The following CASS4 variants were observed in gnomAD, a reference collection of about 807,000 sequenced individuals.
CASS4 encodes Cas scaffold protein family member 4.
In CASS4, 22 loss-of-function variants were observed where a neutral mutation model predicts 54.2. The observed-to-expected ratio is 0.41, with a 90% CI of 0.29 to 0.58. The LOEUF (loss-of-function observed/expected upper bound fraction) is 0.58, where lower values mean the gene tolerates loss of function less well. CASS4 is among the 20% of genes least tolerant of loss of function. The pLI, the probability that CASS4 is intolerant of heterozygous loss-of-function variation, is 0.36. For synonymous variants in CASS4, 409 were observed against 391.5 expected, an observed-to-expected ratio of 1.04 and a Z score of -0.53; for missense variants, 854 against 986.7, an observed-to-expected ratio of 0.87 and a Z score of 1.80.
At chr20:56,422,641 T>C (rs183989594) in intron 1 of CASS4, among the ~76,000 whole-genome samples, 1 of 152,310 alleles carries the variant, frequency 6.6e-6, no homozygotes, top group Non-Finnish European at 1.5e-5. Flanking sequence ...GCCCCGTTAG[T>C]AGGCAGTGCC....
intron 2 of CASS4, among the ~76,000 whole-genome samples, chr20:56,440,632 G>T (rs1163201687): frequency 6.6e-6 from 1 of 152,184 alleles, no homozygotes; most frequent in Non-Finnish European, 1.5e-5. Context: ...TCAAAAACAT[G>T]GAGTCCACTA....
chr20:56,433,338 C>T (rs75720326), intron 1 of CASS4, among the ~76,000 whole-genome samples: 61 of 152,262 alleles, frequency 4.0e-4, no homozygotes, highest in Non-Finnish European at 7.5e-4. Context: ...GTAGAGAGAA[C>T]AGCATGATGG....
chr20:56,426,676 C>T (rs1030253108), intron 1 of CASS4, among the ~76,000 whole-genome samples: 2 of 152,082 alleles, frequency 1.3e-5, no homozygotes, highest in African/African-American at 4.8e-5. Context: ...AGCCCATGTT[C>T]AAGCCATCCT....
chr20:56,414,803 T>A lies in CASS4; in HGVS notation c.36+2309T>A, dbSNP rs1474072110. Among the ~76,000 whole-genome samples, 1 of 152,068 alleles carries A rather than the reference T, an allele frequency of 6.6e-6. No homozygotes were observed. Among genetic ancestry groups the A allele is most frequent in the Non-Finnish European group, 1.5e-5 (1 of 68,006 alleles). On this transcript the variant is annotated intron_variant, in intron 1 of 5. Transcript: ENST00000679887. The surrounding 1 kb of genome is among the most constrained non-coding windows in gnomAD (Gnocchi z 4.1). ...CTAGTAAAAATACAAAAAAATTAGC[T>A]GGGCATAGTGGTGCACGTCTGTATT...
At chr20:56,435,435 T>C (rs1980108138) in intron 1 of CASS4, among the ~76,000 whole-genome samples, 1 of 152,226 alleles carries the variant, frequency 6.6e-6, no homozygotes, top group African/African-American at 2.4e-5. Context: ...GGTGGGATTA[T>C]GGGTAATTTT....
At chr20:56,447,818 C>T (rs1167087614) in intron 3 of CASS4, among the ~76,000 whole-genome samples, 1 of 152,152 alleles carries the variant, frequency 6.6e-6, no homozygotes, top group East Asian at 2.0e-4. Flanking sequence ...ATGATAGACT[C>T]CAGGAGCACA....
At chr20:56,441,636 C>A (rs144188603) in intron 2 of CASS4, among the ~76,000 whole-genome samples, 1 of 152,102 alleles carries the variant, frequency 6.6e-6, no homozygotes, top group East Asian at 2.0e-4. Context: ...TAATTTCTTG[C>A]CTTCTCTGTG....
rs1600759591 is a variant in CASS4 at position 56,437,039 on chromosome 20, G to A, written c.37-125G>A. On this transcript the variant is annotated intron_variant, in intron 1 of 5. Coordinates refer to ENST00000679887, the MANE Select transcript of CASS4 (RefSeq NM_020356.4). The surrounding 1 kb of genome is among the most constrained non-coding windows in gnomAD (Gnocchi z 4.7). ...AAGAGCAGGGACAAGAGCCTCTGGGGTGGAAGAAATGAAATGAAAGGGCAT... is the reference window on the plus strand; with the variant it reads ...AAGAGCAGGGACAAGAGCCTCTGGGATGGAAGAAATGAAATGAAAGGGCAT... 1.1e-6 allele frequency: 1 copy of A among 870,616 alleles called. No homozygotes were observed. Among genetic ancestry groups the A allele is most frequent in the East Asian group, 2.6e-5 (1 of 38,294 alleles). 53.9% of individuals were successfully genotyped at this position (870,616 alleles called of 1,614,324 possible).
chr20:56,416,960 T>C (rs937861497), intron 1 of CASS4, among the ~76,000 whole-genome samples: 4 of 152,382 alleles, frequency 2.6e-5, no homozygotes, highest in East Asian at 1.9e-4. Flanking sequence ...AAATCTTTTT[T>C]GTCTCTCTCC....
chr20:56,453,808 G>A (rs944611432), intron 5 of CASS4: 1 of 152,194 alleles, frequency 6.6e-6, no homozygotes, highest in African/African-American at 2.4e-5. Context: ...CAGGAGTTTG[G>A]GGTTGCAGAG....
rs544258185 is a variant in CASS4 at position 56,437,717 on chromosome 20, C to T, written c.459+131C>T. The T allele has an allele frequency of 3.2e-5, 27 of 830,904 alleles. No homozygotes were observed. Among genetic ancestry groups the T allele is most frequent in the African/African-American group, 1.9e-4 (11 of 57,624 alleles). 51.5% of individuals were successfully genotyped at this position (830,904 alleles called of 1,614,324 possible). A position where few individuals can be genotyped will look rare whatever the true frequency, so the allele number is the denominator to read the frequency against. ...CGGGAGCCCAGATTGCTGGCAATCA[C>T]GCTCGGGGAGCTTGTGTGCCAGGTT... On this transcript the variant is annotated intron_variant, in intron 2 of 5. Transcript: ENST00000679887. The surrounding 1 kb of genome is among the most constrained non-coding windows in gnomAD (Gnocchi z 4.7).
Position 56,437,564 on chromosome 20 carries a change from A to G in CASS4, c.437A>G (p.Lys146Arg). 1 of 1,546,186 alleles carries G rather than the reference A, an allele frequency of 6.5e-7. No individual in the cohort carries two copies. The change falls in exon 2 of 6, where the codon AAG becomes AGG. Residue 146 changes from lysine to arginine, a missense_variant. Coordinates refer to ENST00000679887, the MANE Select transcript of CASS4 (RefSeq NM_020356.4). This position sits in a 1 kb window ranked among gnomAD's most constrained non-coding sequence, Gnocchi z 4.7. ...ACCAGTGCCAGAATCATCTGTGAAA[A>G]GACTCTCAGCTTTCCAAAACAGGTA... ...PPTSARIICE[K>R]TLSFPKQAIL...
At chr20:56,441,440 A>G (rs1007085202) in intron 2 of CASS4, among the ~76,000 whole-genome samples, 1 of 151,822 alleles carries the variant, frequency 6.6e-6, no homozygotes, top group African/African-American at 2.4e-5. Flanking sequence ...CCCTGTCTCT[A>G]CTAAAAACAC....
intron 2 of CASS4, among the ~76,000 whole-genome samples, chr20:56,444,868 T>C (rs1451396783): frequency 6.6e-6 from 1 of 152,186 alleles, no homozygotes. Context: ...CCCAGCACTT[T>C]GGGAGGCCAA....
rs377289897 is a variant in CASS4, at chr20:56,452,233, C to G, written c.1057C>G (p.Pro353Ala). The change falls in exon 5 of 6, where the codon CCT (proline) becomes GCT (alanine). Residue 353 changes from proline (P) to alanine (A), a missense_variant. Transcript: ENST00000679887. The part of the protein sequence containing the change: ...QNTKPNIYDI[P>A]KATSSVSQAG... ...CACCAAGCCCAATATTTATGACATCCCTAAAGCAACGTCGAGTGTTTCTCA... is the reference window on the plus strand; with the variant it reads ...CACCAAGCCCAATATTTATGACATCGCTAAAGCAACGTCGAGTGTTTCTCA... 5 of 1,613,966 alleles carry G rather than the reference C, an allele frequency of 3.1e-6. No individual in the cohort carries two copies. In the African/African-American group the frequency reaches 6.7e-5, roughly 22 times the overall value.
rs1568683560 is a variant in CASS4, at chr20:56,455,132, T to TAA, written c.1953+2003_1953+2004insAA. Among the ~76,000 whole-genome samples, 10 of 94,284 alleles carry TAA rather than the reference T, an allele frequency of 1.1e-4. No homozygotes were observed. In the South Asian group the frequency reaches 1.1e-3, roughly 11 times the overall value. The allele number at this position is 94,284 out of a possible 152,430, so 61.9% of individuals were successfully genotyped here. A position where few individuals can be genotyped will look rare whatever the true frequency, so the allele number is the denominator to read the frequency against. On this transcript the variant is annotated intron_variant, in intron 5 of 5. Coordinates refer to ENST00000679887, the MANE Select transcript of CASS4 (RefSeq NM_020356.4). ...TTTTACACTTGATGTTCTTCCTTTT[T>TAA]TAAAAAAAAAAAAGTCAAAGATGTT... is the stretch of plus-strand genomic sequence containing the variant.
Position 56,412,456 on chromosome 20 carries a change from G to T in CASS4, c.-3G>T. 6.2e-7 allele frequency: 1 copy of T among 1,612,346 alleles called. No individual in the cohort carries two copies. The highest frequency in any genetic ancestry group is 1.1e-5 in the South Asian group (1 of 90,544). On this transcript the variant is annotated 5_prime_UTR_variant, in exon 1 of 6. Coordinates refer to ENST00000679887, the MANE Select transcript of CASS4 (RefSeq NM_020356.4). The surrounding 1 kb of genome is among the most constrained non-coding windows in gnomAD (Gnocchi z 4.2). ...CTCAGGGGAGCTGCTCCACATCACC[G>T]ACATGAAGGGAACAGGCATCATGGA...
Position 56,412,555 on chromosome 20 carries a change from G to A in CASS4, c.36+61G>A, listed in dbSNP as rs1054502523. 2.6e-6 allele frequency: 4 copies of A among 1,545,392 alleles called. No individual in the cohort carries two copies. The South Asian group carries it at 3.5e-5, about 13-fold the overall frequency. On this transcript the variant is annotated intron_variant, in intron 1 of 5. Coordinates refer to ENST00000679887, the MANE Select transcript of CASS4 (RefSeq NM_020356.4). The surrounding 1 kb of genome is among the most constrained non-coding windows in gnomAD (Gnocchi z 4.2). ...GGGGAGCAAGCTGTGATGATTAAGG[G>A]TGTTGACCAGCTTTAGTTGTGACTT...
rs1979841844 is a variant in CASS4, at chr20:56,430,264, T to C, written c.37-6900T>C. 6.6e-6 allele frequency among the ~76,000 whole-genome samples: 1 copy of C among 152,170 alleles called. No homozygotes were observed. Among genetic ancestry groups the C allele is most frequent in the Non-Finnish European group, 1.5e-5 (1 of 68,028 alleles). On this transcript the variant is annotated intron_variant, in intron 1 of 5. Coordinates refer to ENST00000679887, the MANE Select transcript of CASS4 (RefSeq NM_020356.4). This position sits in a 1 kb window ranked among gnomAD's most constrained non-coding sequence, Gnocchi z 4.2. ...GGCAGTGAGTCTCTTATTCTTCACG[T>C]TTGTTTCCCTATCCTCCTCCTGTTC... is the stretch of plus-strand genomic sequence containing the variant.
Sources: gnomAD v4.1 joint callset for allele counts (sites outside exome capture counted in the v4.1 genomes callset) on GRCh38, gnomAD v4.1.1 for gene constraint, Gnocchi (gnomAD v3.1) non-coding constraint, MANE v1.5 for transcripts, NCBI Gene and HGNC (gene_info 2026-07-23, HGNC 2026-07-21) for gene names.